The following PDSS2 variants were observed in gnomAD, a reference collection of about 807,000 sequenced individuals.
PDSS2 encodes all trans-polyprenyl-diphosphate synthase PDSS2.
PDSS2 carries 31 observed loss-of-function variants against 44.5 expected under a neutral mutation model. The ratio of observed to expected loss-of-function variants is 0.70; its 90% CI spans 0.52 to 0.94. The LOEUF is 0.94. Ranked by LOEUF, PDSS2 falls within the 40% of genes least tolerant of loss-of-function variation. PDSS2 has a pLI of 0.00. For synonymous variants in PDSS2, 157 were observed against 180.3 expected, an observed-to-expected ratio of 0.87 and a Z score of 1.03; for missense variants, 452 against 482.2, an observed-to-expected ratio of 0.94 and a Z score of 0.59.
At chr6:107,237,573 A>G (rs1774266883) in intron 4 of PDSS2, among the ~76,000 whole-genome samples, 1 of 151,908 alleles carries the variant, frequency 6.6e-6, no homozygotes, top group South Asian at 2.1e-4. Flanking sequence ...TTTACTTGAA[A>G]GCTGCCTGAG....
At chr6:107,378,083 A>G (rs1443593857) in intron 1 of PDSS2, among the ~76,000 whole-genome samples, 2 of 150,078 alleles carry the variant, frequency 1.3e-5, no homozygotes, top group Non-Finnish European at 3.0e-5. Flanking sequence ...ATATATTACA[A>G]TTAGGCCCTT....
At chr6:107,204,350 T>G (rs1181074269) in intron 6 of PDSS2, among the ~76,000 whole-genome samples, 2 of 152,198 alleles carry the variant, frequency 1.3e-5, no homozygotes, top group African/African-American at 4.8e-5. Context: ...ATTTTGCTTC[T>G]CCATTTATCA....
chr6:107,411,378 A>T (rs565014359), intron 1 of PDSS2, among the ~76,000 whole-genome samples: 11 of 152,356 alleles, frequency 7.2e-5, no homozygotes, highest in Admixed American at 7.2e-4. Flanking sequence ...TGAAAACTGG[A>T]CAACCAAATG....
At chr6:107,184,086 T>A (rs1200155316) in intron 7 of PDSS2, among the ~76,000 whole-genome samples, 1 of 152,090 alleles carries the variant, frequency 6.6e-6, no homozygotes, top group Non-Finnish European at 1.5e-5. Flanking sequence ...TTCAGTGATG[T>A]TGTATGGCAT....
intron 7 of PDSS2, among the ~76,000 whole-genome samples, chr6:107,168,609 T>C (rs1400092629): frequency 5.9e-5 from 9 of 151,764 alleles, no homozygotes; most frequent in African/African-American, 1.9e-4. Flanking sequence ...TTGCAGTGGC[T>C]GGTACCGGTT....
chr6:107,361,389 A>G (rs930838359), intron 1 of PDSS2, among the ~76,000 whole-genome samples: 1 of 152,230 alleles, frequency 6.6e-6, no homozygotes, highest in Admixed American at 6.5e-5. Context: ...TATAACAGGC[A>G]ACGTGCTGCC....
chr6:107,394,885 A>G (rs1779893052), intron 1 of PDSS2, among the ~76,000 whole-genome samples: 1 of 152,120 alleles, frequency 6.6e-6, no homozygotes, highest in South Asian at 2.1e-4. Context: ...CATATTTAGC[A>G]TTTCCAAAAT....
intron 1 of PDSS2, among the ~76,000 whole-genome samples, chr6:107,452,093 G>A (rs1781885960): frequency 6.6e-6 from 1 of 151,968 alleles, no homozygotes; most frequent in Non-Finnish European, 1.5e-5. Flanking sequence ...TACAATCATA[G>A]CTCACTGCAG....
At chr6:107,268,970 G>A (rs915997702) in intron 3 of PDSS2, among the ~76,000 whole-genome samples, 10 of 146,292 alleles carry the variant, frequency 6.8e-5, no homozygotes, top group African/African-American at 2.3e-4. Context: ...ACGGAGTTTC[G>A]CTCTTGTTGC....
At chr6:107,407,593 CTT>C (rs150926588) in intron 1 of PDSS2, among the ~76,000 whole-genome samples, 2,758 of 152,268 alleles carry the variant, frequency 0.018, 71 homozygotes, top group East Asian at 0.12. Flanking sequence ...AATTCAAACA[CTT>C]TACCACAGGT....
chr6:107,451,392 G>A (rs956818511), intron 1 of PDSS2, among the ~76,000 whole-genome samples: 1 of 151,988 alleles, frequency 6.6e-6, no homozygotes, highest in African/African-American at 2.4e-5. Flanking sequence ...GAAACCCCTC[G>A]TGGCCTTTGG....
chr6:107,421,724 G>T (rs993248105), intron 1 of PDSS2, among the ~76,000 whole-genome samples: 1 of 150,740 alleles, frequency 6.6e-6, no homozygotes, highest in African/African-American at 2.4e-5. Flanking sequence ...GCAACACCAG[G>T]AATTTTCTTC....
chr6:107,459,550 C>G lies in PDSS2; in HGVS notation c.-265G>C, dbSNP rs1173541150. 1.9e-6 allele frequency: 1 copy of G among 518,702 alleles called. No individual in the cohort carries two copies. The highest frequency in any genetic ancestry group is 3.5e-6 in the Non-Finnish European group (1 of 289,738). 32.1% of individuals were successfully genotyped at this position (518,702 alleles called of 1,614,324 possible). On this transcript the variant is annotated 5_prime_UTR_variant, in exon 1 of 8. Coordinates refer to ENST00000369037, the MANE Select transcript of PDSS2 (RefSeq NM_020381.4). This position sits in a 1 kb window ranked among gnomAD's most constrained non-coding sequence, Gnocchi z 4.3. ...ACAGCCACTGCCTATGTGGAGGACGCCATATTGGAGGCATGGAATGCGGCC... is the reference window on the plus strand; with the variant it reads ...ACAGCCACTGCCTATGTGGAGGACGGCATATTGGAGGCATGGAATGCGGCC...
At chr6:107,227,092 G>A (rs1299052852) in intron 4 of PDSS2, among the ~76,000 whole-genome samples, 1 of 151,570 alleles carries the variant, frequency 6.6e-6, no homozygotes, top group Non-Finnish European at 1.5e-5. Flanking sequence ...CGAATCTCCT[G>A]CCTCGGCCTC....
At chr6:107,355,876 A>G (rs1173201451) in intron 1 of PDSS2, among the ~76,000 whole-genome samples, 2 of 152,248 alleles carry the variant, frequency 1.3e-5, no homozygotes, top group Non-Finnish European at 2.9e-5. Context: ...TTCACGTGTG[A>G]TTCTAATGTG....
chr6:107,276,594 T>G (rs1053377448), intron 2 of PDSS2, among the ~76,000 whole-genome samples: 4 of 152,100 alleles, frequency 2.6e-5, no homozygotes, highest in Non-Finnish European at 5.9e-5. Flanking sequence ...GTTTTGCATA[T>G]GGAAGGAATG....
intron 2 of PDSS2, 98 bp from the exon 3 acceptor site, chr6:107,274,325 C>T: frequency 3.1e-6 from 3 of 958,346 alleles, no homozygotes; most frequent in Non-Finnish European, 4.9e-6. Flanking sequence ...CCATAGGTTG[C>T]CCCCCACTTT....
At chr6:107,282,892 T>A (rs1776015280) in intron 2 of PDSS2, among the ~76,000 whole-genome samples, 3 of 139,028 alleles carry the variant, frequency 2.2e-5, no homozygotes. Flanking sequence ...AAAAGAAGAA[T>A]TTTTTTTTTT....
chr6:107,434,055 A>G (rs1289843943), intron 1 of PDSS2, among the ~76,000 whole-genome samples: 3 of 152,206 alleles, frequency 2.0e-5, no homozygotes, highest in African/African-American at 4.8e-5. Context: ...CTACAACGAG[A>G]TATCATCTCA....
Sources: gnomAD v4.1 joint callset for allele counts (sites outside exome capture counted in the v4.1 genomes callset) on GRCh38, gnomAD v4.1.1 for gene constraint, Gnocchi (gnomAD v3.1) non-coding constraint, MANE v1.5 for transcripts, NCBI Gene and HGNC (gene_info 2026-07-23, HGNC 2026-07-21) for gene names.